Variants in MCUB observed in about 807,000 individuals in gnomAD.
The protein encoded by MCUB is calcium uniporter regulatory subunit MCUb, mitochondrial.
Under a neutral mutation model 41.4 loss-of-function variants are expected in MCUB, and 46 were observed. The ratio of observed to expected loss-of-function variants is 1.11; its 90% confidence interval spans 0.88 to 1.42. The LOEUF (loss-of-function observed/expected upper bound fraction) is 1.42. Ranked by LOEUF, MCUB falls within the 40% of genes most tolerant of loss-of-function variation. The probability of loss-of-function intolerance (pLI) is 0.00; values close to 1 mark genes in which losing one functional copy is unlikely to be tolerated. For missense variants in MCUB, 403 were observed against 404.9 expected (o/e 1.00, Z 0.04); for synonymous variants, 148 against 148.2 (o/e 1.00, Z 0.01).
At chr4:109,627,151 G>GT (rs2126137000) in intron 1 of MCUB, among the ~76,000 whole-genome samples, 1 of 152,174 alleles carries the variant, frequency 6.6e-6, no homozygotes, top group African/African-American at 2.4e-5. Flanking sequence ...TCTAAATTTA[G>GT]TTTTTTAATA....
At chr4:109,667,997 C>T (rs780606708) in intron 4 of MCUB, among the ~76,000 whole-genome samples, 12 of 151,800 alleles carry the variant, frequency 7.9e-5, no homozygotes, top group African/African-American at 2.4e-4. Flanking sequence ...CACTGAGATC[C>T]GAAAGCATAC....
intron 1 of MCUB, among the ~76,000 whole-genome samples, chr4:109,633,930 G>A (rs1728531641): frequency 6.7e-6 from 1 of 150,054 alleles, no homozygotes; most frequent in East Asian, 2.0e-4. Context: ...CTTTCTCTGG[G>A]GCTCTATTAC....
intron 1 of MCUB, among the ~76,000 whole-genome samples, chr4:109,593,009 T>G (rs1211733813): frequency 6.6e-6 from 1 of 152,242 alleles, no homozygotes; most frequent in Non-Finnish European, 1.5e-5. Context: ...ATGATTTAAT[T>G]TTTTCTTCAG....
chr4:109,644,996 C>T (rs543274541), intron 1 of MCUB, among the ~76,000 whole-genome samples: 3 of 152,136 alleles, frequency 2.0e-5, no homozygotes, highest in Non-Finnish European at 2.9e-5. Context: ...ACACACACTT[C>T]GGCATTCCTG....
At chr4:109,615,277 G>GC (rs371590564) in intron 1 of MCUB, among the ~76,000 whole-genome samples, 61 of 152,222 alleles carry the variant, frequency 4.0e-4, no homozygotes, top group African/African-American at 1.4e-3. Context: ...GCAGATGTCA[G>GC]CCCCCGGGAT....
chr4:109,630,315 A>T (rs902893465), intron 1 of MCUB, among the ~76,000 whole-genome samples: 7 of 152,114 alleles, frequency 4.6e-5, no homozygotes, highest in South Asian at 2.1e-4. Context: ...AATAAAAAAC[A>T]GCCAGATTTC....
At chr4:109,579,941 G>C (rs141552012) in intron 1 of MCUB, among the ~76,000 whole-genome samples, 2 of 152,132 alleles carry the variant, frequency 1.3e-5, no homozygotes, top group African/African-American at 4.8e-5. Flanking sequence ...CGTGCAGTTT[G>C]TTACATAGGT....
intron 1 of MCUB, among the ~76,000 whole-genome samples, chr4:109,644,458 CTT>C (rs1248482643): frequency 6.6e-6 from 1 of 152,180 alleles, no homozygotes; most frequent in Non-Finnish European, 1.5e-5. Context: ...TCATTAAAAA[CTT>C]TGCATAAACA....
intron 1 of MCUB, among the ~76,000 whole-genome samples, chr4:109,628,380 G>C (rs1728407161): frequency 6.6e-6 from 1 of 152,188 alleles, no homozygotes; most frequent in African/African-American, 2.4e-5. Context: ...AGTGATAATG[G>C]TGGGATATTG....
At position 109,684,661 on chromosome 4, in the gene MCUB, AGG is replaced by A; in HGVS notation, c.816+16_816+17del. 8.2e-7 allele frequency: 1 copy of A among 1,224,848 alleles called. No individual in the cohort carries two copies. Among genetic ancestry groups the A allele is most frequent in the Non-Finnish European group, 1.2e-6 (1 of 835,648 alleles). 75.9% of individuals were successfully genotyped at this position (1,224,848 alleles called of 1,614,324 possible). ...TCACTCGACAGGTGAGTAGTTTGTT[AGG>A]AAAATGGTAAGTTAGAACATCTTTG... On this transcript the variant is annotated intron_variant, in intron 6 of 7. Coordinates refer to ENST00000394650, the MANE Select transcript of MCUB (RefSeq NM_017918.5).
chr4:109,657,063 C>A (rs960506191), intron 1 of MCUB, among the ~76,000 whole-genome samples: 1 of 151,874 alleles, frequency 6.6e-6, no homozygotes, highest in Non-Finnish European at 1.5e-5. Context: ...ACTAAAAATA[C>A]AAAAAATTAG....
chr4:109,682,485 A>C (rs1293012634), intron 4 of MCUB, 97 bp from the exon 5 acceptor site: 1 of 970,504 alleles, frequency 1.0e-6, no homozygotes, highest in Non-Finnish European at 1.6e-6. Flanking sequence ...TGTGGATCCT[A>C]AGATAATATT....
intron 1 of MCUB, among the ~76,000 whole-genome samples, chr4:109,631,266 G>T (rs1055830646): frequency 6.6e-6 from 1 of 152,150 alleles, no homozygotes; most frequent in African/African-American, 2.4e-5. Context: ...TTGATTTGTG[G>T]CTTCTGATGT....
intron 2 of MCUB, among the ~76,000 whole-genome samples, chr4:109,659,963 G>A (rs998460039): frequency 6.6e-6 from 1 of 152,168 alleles, no homozygotes; most frequent in African/African-American, 2.4e-5. Flanking sequence ...GGCCACCTGG[G>A]AAGACTTTAA....
At chr4:109,565,364 A>G (rs1185911833) in intron 1 of MCUB, among the ~76,000 whole-genome samples, 2 of 152,188 alleles carry the variant, frequency 1.3e-5, no homozygotes, top group Non-Finnish European at 2.9e-5. Context: ...AAACCCAACT[A>G]TTCTAATATT....
At chr4:109,586,205 C>G (rs548285520) in intron 1 of MCUB, among the ~76,000 whole-genome samples, 1 of 152,098 alleles carries the variant, frequency 6.6e-6, no homozygotes, top group Admixed American at 6.5e-5. Context: ...TTAATTTGAT[C>G]TTCAATCACT....
rs1012433599 is a variant in MCUB at position 109,688,257 on chromosome 4, G to A, written c.*665G>A. On this transcript the variant is annotated 3_prime_UTR_variant, in exon 8 of 8. Transcript: ENST00000394650. The stretch of plus-strand genomic sequence containing the variant: ...ATTATTAACAAAACAGTATTATTCA[G>A]ATTCTATATCATATTAATAAGAATT... 2.0e-5 allele frequency: 3 copies of A among 152,178 alleles called. No individual in the cohort carries two copies. The highest frequency in any genetic ancestry group is 7.2e-5 in the African/African-American group (3 of 41,426). The allele number at this position is 152,178 out of a possible 1,614,324, so 9.4% of individuals were successfully genotyped here.
In MCUB at chr4:109,560,260, C is replaced by T. The variant is rs534679578; in HGVS notation, c.-78C>T. 1.4e-6 allele frequency: 1 copy of T among 707,728 alleles called. No homozygotes were observed. The highest frequency in any genetic ancestry group is 6.7e-5 in the South Asian group (1 of 14,984). The allele number at this position is 707,728 out of a possible 1,614,324, so 43.8% of individuals were successfully genotyped here. A position where few individuals can be genotyped will look rare whatever the true frequency, so the allele number is the denominator to read the frequency against. On this transcript the variant is annotated 5_prime_UTR_variant, in exon 1 of 8. Transcript: ENST00000394650. ...CGGGAGCGCCCACAGCTCGGAGCCA[C>T]CAGGCGCTGACGAGGAGCCCGGCTG...
intron 1 of MCUB, among the ~76,000 whole-genome samples, chr4:109,587,688 G>T (rs1175970833): frequency 6.6e-6 from 1 of 152,158 alleles, no homozygotes; most frequent in African/African-American, 2.4e-5. Flanking sequence ...AAAGGTTCTA[G>T]ATTTTAGTAA....
Sources: allele counts gnomAD v4.1 joint callset (sites outside exome capture counted in the v4.1 genomes callset), GRCh38; gene constraint gnomAD v4.1.1; transcripts MANE v1.5; gene names NCBI Gene and HGNC (gene_info 2026-07-23, HGNC 2026-07-21).